The following RASAL2 variants were observed in gnomAD, a reference collection of about 807,000 sequenced individuals.
RASAL2 encodes ras GTPase-activating protein nGAP.
A neutral mutation model predicts 128.9 loss-of-function variants in RASAL2; 58 were observed. That is an observed-to-expected ratio of 0.45 (90% confidence interval 0.36 to 0.56). RASAL2 has a LOEUF of 0.56. Ranked by LOEUF, RASAL2 falls within the 20% of genes least tolerant of loss-of-function variation. The probability of loss-of-function intolerance (pLI) is 0.00; values close to 1 mark genes in which losing one functional copy is unlikely to be tolerated. For missense variants in RASAL2, 1,360 were observed against 1,601.6 expected, an observed-to-expected ratio of 0.85 and a Z score of 2.57; for synonymous variants, 561 against 580.8, an observed-to-expected ratio of 0.97 and a Z score of 0.49.
At position 178,408,612 on chromosome 1, in the gene RASAL2, G is replaced by GTTTTTTTTTTTTTTTT. The variant is rs756656921; in HGVS notation, c.565-11893_565-11892insTTTTTTTTTTTTTTTT. 1.3e-4 allele frequency among the ~76,000 whole-genome samples: 18 copies of GTTTTTTTTTTTTTTTT among 142,460 alleles called. 1 individual carries two copies. The highest frequency in any genetic ancestry group is 4.6e-4 in the African/African-American group (16 of 34,860). 93.5% of individuals were successfully genotyped at this position (142,460 alleles called of 152,430 possible). A position where few individuals can be genotyped will look rare whatever the true frequency, so the allele number is the denominator to read the frequency against. On this transcript the variant is annotated intron_variant, in intron 4 of 17. Transcript: ENST00000367649. ...GTTGTTGTTTGGTTGGTTTTTTTTT[G>GTTTTTTTTTTTTTTTT]TTTTTTGTTTTTTGTTTTGCTTCTC...
At chr1:178,249,596 T>C (rs553991235) in intron 1 of RASAL2, among the ~76,000 whole-genome samples, 26 of 152,140 alleles carry the variant, frequency 1.7e-4, no homozygotes, top group African/African-American at 6.3e-4. Context: ...GGACAGGAGT[T>C]GTGATCATTT....
At chr1:178,453,896 A>G (rs1346150813) in intron 11 of RASAL2, among the ~76,000 whole-genome samples, 2 of 152,120 alleles carry the variant, frequency 1.3e-5, no homozygotes, top group African/African-American at 4.8e-5. Flanking sequence ...TAATTTATAT[A>G]TAAGCCAATG....
intron 9 of RASAL2, among the ~76,000 whole-genome samples, chr1:178,446,580 A>G (rs564928751): frequency 1.7e-4 from 26 of 152,318 alleles, no homozygotes; most frequent in Non-Finnish European, 2.6e-4. Context: ...TGTATTTCAC[A>G]TGTATCACAC....
rs946108106 is a variant in RASAL2, at chr1:178,452,993, A to C, written c.2009+341A>C. ...AATAAAAAGTGGTATGTATACTGTT[A>C]TCCCAGCAATATGAAAACACAAAAA... On this transcript the variant is annotated intron_variant, in intron 11 of 17. Coordinates refer to ENST00000367649, the MANE Select transcript of RASAL2 (RefSeq NM_170692.4). Among the ~76,000 whole-genome samples the C allele has an allele frequency of 2.6e-5, 4 of 152,142 alleles. No homozygotes were observed. In the East Asian group the frequency reaches 7.7e-4, roughly 29 times the overall value.
At chr1:178,153,950 C>T (rs1322076085) in intron 1 of RASAL2, among the ~76,000 whole-genome samples, 1 of 152,118 alleles carries the variant, frequency 6.6e-6, no homozygotes, top group Non-Finnish European at 1.5e-5. Flanking sequence ...AGTCTCCTGC[C>T]TCAGCCTCCT....
chr1:178,421,454 G>C (rs540912658), intron 5 of RASAL2, among the ~76,000 whole-genome samples: 1 of 152,170 alleles, frequency 6.6e-6, no homozygotes, highest in Non-Finnish European at 1.5e-5. Context: ...AGTACCTACT[G>C]TGTGCCATAC....
intron 1 of RASAL2, among the ~76,000 whole-genome samples, chr1:178,116,864 C>T (rs553704051): frequency 6.6e-6 from 1 of 152,216 alleles, no homozygotes; most frequent in Non-Finnish European, 1.5e-5. Context: ...CCTGCCTCCG[C>T]CTCCCAAAGT....
chr1:178,128,235 G>A (rs1659969842), intron 1 of RASAL2, among the ~76,000 whole-genome samples: 1 of 152,036 alleles, frequency 6.6e-6, no homozygotes, highest in African/African-American at 2.4e-5. Context: ...AAATGCTTAT[G>A]CATTTTGTGA....
chr1:178,132,771 T>TC, intron 1 of RASAL2, among the ~76,000 whole-genome samples: 1 of 150,208 alleles, frequency 6.7e-6, no homozygotes, highest in South Asian at 2.1e-4. Flanking sequence ...TCAGAATTTT[T>TC]TTTTTTTTTT....
At chr1:178,442,003 G>T (rs537338342) in intron 7 of RASAL2, among the ~76,000 whole-genome samples, 1 of 152,192 alleles carries the variant, frequency 6.6e-6, no homozygotes. Context: ...GCGAGAGAGA[G>T]AGTGTGTGTG....
intron 11 of RASAL2, among the ~76,000 whole-genome samples, chr1:178,453,909 G>A (rs1470281044): frequency 6.6e-6 from 1 of 151,930 alleles, no homozygotes; most frequent in Admixed American, 6.6e-5. Context: ...AGCCAATGCA[G>A]AAATATACAT....
At chr1:178,201,738 A>G (rs1258987464) in intron 1 of RASAL2, among the ~76,000 whole-genome samples, 2 of 152,066 alleles carry the variant, frequency 1.3e-5, no homozygotes, top group African/African-American at 4.8e-5. Flanking sequence ...CTAATTAATC[A>G]TGGTGTTTCT....
intron 1 of RASAL2, among the ~76,000 whole-genome samples, chr1:178,270,721 T>G (rs932611780): frequency 5.6e-4 from 85 of 152,186 alleles, no homozygotes; most frequent in African/African-American, 2.0e-3. Flanking sequence ...GAATGGGAGA[T>G]GAGAAAGCTT....
At chr1:178,118,789 G>T (rs1346531183) in intron 1 of RASAL2, among the ~76,000 whole-genome samples, 4 of 151,886 alleles carry the variant, frequency 2.6e-5, no homozygotes, top group Non-Finnish European at 5.9e-5. Flanking sequence ...GAACACAGTT[G>T]TCATTCTCTC....
intron 1 of RASAL2, among the ~76,000 whole-genome samples, chr1:178,201,519 C>T (rs1019638415): frequency 1.3e-5 from 2 of 152,202 alleles, no homozygotes; most frequent in Non-Finnish European, 2.9e-5. Flanking sequence ...ATAGGGATTG[C>T]TTTTCTCTGT....
chr1:178,132,181 C>T (rs115504424), intron 1 of RASAL2, among the ~76,000 whole-genome samples: 1,834 of 152,050 alleles, frequency 0.012, 34 homozygotes, highest in African/African-American at 0.038. Flanking sequence ...GCTGGGACTG[C>T]AAGTGTATAC....
At chr1:178,181,946 C>G (rs1238413401) in intron 1 of RASAL2, among the ~76,000 whole-genome samples, 5 of 152,080 alleles carry the variant, frequency 3.3e-5, no homozygotes, top group Non-Finnish European at 5.9e-5. Context: ...CTAGGTTTCT[C>G]TGCTGTAAAG....
intron 3 of RASAL2, among the ~76,000 whole-genome samples, chr1:178,352,003 A>G (rs1393422742): frequency 6.6e-6 from 1 of 152,246 alleles, no homozygotes; most frequent in African/African-American, 2.4e-5. Context: ...TTATTTCTAA[A>G]TAGAACTAAC....
intron 4 of RASAL2, among the ~76,000 whole-genome samples, chr1:178,391,688 T>C (rs1346432508): frequency 6.6e-6 from 1 of 152,220 alleles, no homozygotes; most frequent in African/African-American, 2.4e-5. Flanking sequence ...AGTCAGACTT[T>C]GAGATATTTA....
Sources: gnomAD v4.1 joint callset for allele counts (sites outside exome capture counted in the v4.1 genomes callset) on GRCh38, gnomAD v4.1.1 for gene constraint, MANE v1.5 for transcripts, NCBI Gene and HGNC (gene_info 2026-07-23, HGNC 2026-07-21) for gene names.